Variants in PDZRN4 observed in about 807,000 individuals in gnomAD.
The protein encoded by PDZRN4 is PDZ domain-containing RING finger protein 4.
In PDZRN4, 70 loss-of-function variants were observed where a neutral mutation model predicts 99.0. The ratio of observed to expected loss-of-function variants is 0.71; its 90% CI spans 0.58 to 0.86. The LOEUF (loss-of-function observed/expected upper bound fraction) is 0.86, where lower values mean the gene tolerates loss of function less well. Ranked by LOEUF, PDZRN4 falls within the 40% of genes least tolerant of loss-of-function variation. PDZRN4 has a pLI of 0.00. For missense variants in PDZRN4, 1,474 were observed against 1,331.2 expected (o/e 1.11, Z -1.67); for synonymous variants, 551 against 501.6 (o/e 1.10, Z -1.32).
chr12:41,318,537 G>T lies in PDZRN4; in HGVS notation c.843+124349G>T, dbSNP rs1168382729. ...GCTTCTGCATATGCCAGGTCCTTGTGGTAAGTCAACATGGTGAGATGTAGG... is the reference window on the plus strand; with the variant it reads ...GCTTCTGCATATGCCAGGTCCTTGTTGTAAGTCAACATGGTGAGATGTAGG... On this transcript the variant is annotated intron_variant, in intron 3 of 9. Transcript: ENST00000402685. 2.0e-5 allele frequency among the ~76,000 whole-genome samples: 3 copies of T among 152,162 alleles called. No homozygotes were observed. The East Asian group carries it at 5.8e-4, about 29-fold the overall frequency.
intron 3 of PDZRN4, among the ~76,000 whole-genome samples, chr12:41,480,039 T>C (rs2120595511): frequency 6.6e-6 from 1 of 152,342 alleles, no homozygotes; most frequent in Middle Eastern, 3.4e-3. Context: ...GTCTGTATAA[T>C]GCTCATGAAA....
At chr12:41,522,226 G>T (rs1938504255) in intron 5 of PDZRN4, among the ~76,000 whole-genome samples, 1 of 150,052 alleles carries the variant, frequency 6.7e-6, no homozygotes, top group African/African-American at 2.5e-5. Flanking sequence ...AGTTAATAAT[G>T]ATTTAATCAC....
chr12:41,233,470 T>C (rs1162684636), intron 3 of PDZRN4, among the ~76,000 whole-genome samples: 1 of 152,102 alleles, frequency 6.6e-6, no homozygotes, highest in African/African-American at 2.4e-5. Flanking sequence ...ATCATGCTGC[T>C]CTGAAGACAC....
intron 3 of PDZRN4, among the ~76,000 whole-genome samples, chr12:41,281,625 A>G (rs1951386401): frequency 6.6e-6 from 1 of 152,252 alleles, no homozygotes; most frequent in Non-Finnish European, 1.5e-5. Flanking sequence ...TCAGAGGTTA[A>G]AGATCAACTC....
chr12:41,545,950 AG>A (rs1555151838), intron 5 of PDZRN4, among the ~76,000 whole-genome samples: 2 of 152,138 alleles, frequency 1.3e-5, no homozygotes, highest in Non-Finnish European at 2.9e-5. Flanking sequence ...ACTAGGATCC[AG>A]TGAACTATCA....
intron 3 of PDZRN4, among the ~76,000 whole-genome samples, chr12:41,236,865 A>G (rs1735604716): frequency 6.6e-6 from 1 of 152,144 alleles, no homozygotes; most frequent in Admixed American, 6.5e-5. Context: ...TAGCCCCATA[A>G]CAATTTATAT....
intron 3 of PDZRN4, among the ~76,000 whole-genome samples, chr12:41,210,100 A>T (rs149657571): frequency 6.6e-6 from 1 of 152,198 alleles, no homozygotes; most frequent in East Asian, 1.9e-4. Context: ...ATGGCCAGTG[A>T]TGATGAGCAT....
At chr12:41,231,260 A>G (rs1327354432) in intron 3 of PDZRN4, among the ~76,000 whole-genome samples, 8 of 152,062 alleles carry the variant, frequency 5.3e-5, no homozygotes, top group Non-Finnish European at 1.2e-4. Context: ...AAATTTCTCA[A>G]TTGCTTTATT....
chr12:41,283,347 T>A (rs1293237998), intron 3 of PDZRN4, among the ~76,000 whole-genome samples: 1 of 151,954 alleles, frequency 6.6e-6, no homozygotes, highest in African/African-American at 2.4e-5. Context: ...CAAAAACAAG[T>A]TCTGAAATTG....
At chr12:41,458,636 C>T (rs145523362) in intron 3 of PDZRN4, among the ~76,000 whole-genome samples, 71 of 152,262 alleles carry the variant, frequency 4.7e-4, no homozygotes, top group African/African-American at 1.5e-3. Context: ...GAGCTTTGCA[C>T]GGCTAAATTC....
intron 3 of PDZRN4, among the ~76,000 whole-genome samples, chr12:41,492,805 G>T (rs1191181564): frequency 1.3e-5 from 2 of 152,092 alleles, no homozygotes; most frequent in Non-Finnish European, 2.9e-5. Flanking sequence ...CTGCCACTAT[G>T]AGATGACATT....
At chr12:41,313,956 C>T (rs774126085) in intron 3 of PDZRN4, among the ~76,000 whole-genome samples, 3 of 152,120 alleles carry the variant, frequency 2.0e-5, no homozygotes, top group South Asian at 2.1e-4. Flanking sequence ...AATGGGCTTT[C>T]AATGCCTTTT....
chr12:41,367,780 A>G (rs117483502), intron 3 of PDZRN4, among the ~76,000 whole-genome samples: 92 of 152,174 alleles, frequency 6.0e-4, no homozygotes, highest in East Asian at 5.6e-3. Context: ...TGAGGAATCT[A>G]TGAATTAAAT....
intron 7 of PDZRN4, among the ~76,000 whole-genome samples, chr12:41,557,660 C>G (rs1195296833): frequency 6.6e-6 from 1 of 151,966 alleles, no homozygotes; most frequent in Non-Finnish European, 1.5e-5. Context: ...TGTTCTTCCT[C>G]TAGCTAGATA....
chr12:41,284,802 C>T (rs1474613556), intron 3 of PDZRN4, among the ~76,000 whole-genome samples: 2 of 152,044 alleles, frequency 1.3e-5, no homozygotes, highest in African/African-American at 2.4e-5. Flanking sequence ...GCTGGCTAGC[C>T]ATATGCAGAA....
At chr12:41,349,561 C>G (rs1238734091) in intron 3 of PDZRN4, among the ~76,000 whole-genome samples, 1 of 151,832 alleles carries the variant, frequency 6.6e-6, no homozygotes, top group Admixed American at 6.6e-5. Context: ...TGAAAAGACT[C>G]ACTATTTATT....
At chr12:41,558,703 C>T (rs1939212381) in intron 7 of PDZRN4, among the ~76,000 whole-genome samples, 1 of 152,216 alleles carries the variant, frequency 6.6e-6, no homozygotes, top group Non-Finnish European at 1.5e-5. Context: ...TGTTAAAGTG[C>T]TGTTTTCCGC....
At chr12:41,261,003 C>G (rs1015394670) in intron 3 of PDZRN4, among the ~76,000 whole-genome samples, 2 of 152,086 alleles carry the variant, frequency 1.3e-5, no homozygotes, top group Admixed American at 6.6e-5. Flanking sequence ...TAGAAAAAAA[C>G]ATGTTTCTAT....
intron 5 of PDZRN4, among the ~76,000 whole-genome samples, chr12:41,551,617 G>A (rs1939058168): frequency 6.6e-6 from 1 of 152,158 alleles, no homozygotes; most frequent in South Asian, 2.1e-4. Context: ...ACTGGAGAAA[G>A]AGCATTAAGC....
Sources: gnomAD v4.1 joint callset for allele counts (sites outside exome capture counted in the v4.1 genomes callset) on GRCh38, gnomAD v4.1.1 for gene constraint, MANE v1.5 for transcripts, NCBI Gene and HGNC (gene_info 2026-07-23, HGNC 2026-07-21) for gene names.